KALRN: variants seen among roughly 807,000 people sequenced by gnomAD.
KALRN encodes the protein kalirin.
A neutral mutation model predicts 353.7 loss-of-function variants in KALRN; 70 were observed. That is an observed-to-expected ratio of 0.20 (90% CI 0.16 to 0.24). The LOEUF (loss-of-function observed/expected upper bound fraction) is 0.24. Ranked by LOEUF, KALRN falls within the 10% of genes least tolerant of loss-of-function variation. The pLI is 1.00. For synonymous variants in KALRN, 1,391 were observed against 1,434.8 expected (o/e 0.97, Z 0.69); for missense variants, 2,791 against 3,756.7 (o/e 0.74, Z 6.72).
chr3:124,581,289 A>G (rs2074601757), intron 34 of KALRN, among the ~76,000 whole-genome samples: 1 of 151,588 alleles, frequency 6.6e-6, no homozygotes, highest in Non-Finnish European at 1.5e-5. Flanking sequence ...GCTACTCCAG[A>G]GGCTGATGCA....
intron 3 of KALRN, among the ~76,000 whole-genome samples, chr3:124,252,970 T>C (rs1438543002): frequency 6.6e-6 from 1 of 152,268 alleles, no homozygotes; most frequent in African/African-American, 2.4e-5. Flanking sequence ...TGTAAGACAC[T>C]GTCTCATCCA....
chr3:124,378,633 T>C (rs1165778261), intron 10 of KALRN, among the ~76,000 whole-genome samples: 1 of 152,080 alleles, frequency 6.6e-6, no homozygotes, highest in African/African-American at 2.4e-5. Context: ...AGTCTTTATT[T>C]CACTTTTGTT....
At chr3:124,668,903 A>C (rs1018053344) in intron 47 of KALRN, among the ~76,000 whole-genome samples, 1 of 152,246 alleles carries the variant, frequency 6.6e-6, no homozygotes. Context: ...TTTCTGATAG[A>C]TTCTAAGCTG....
At chr3:124,182,856 C>T (rs1332192741) in intron 1 of KALRN, among the ~76,000 whole-genome samples, 1 of 152,168 alleles carries the variant, frequency 6.6e-6, no homozygotes, top group East Asian at 1.9e-4. Flanking sequence ...AAAACCGCAT[C>T]TTCACATCTG....
At chr3:124,056,977 C>A (rs2041609179) in intron 1 of KALRN, among the ~76,000 whole-genome samples, 1 of 152,206 alleles carries the variant, frequency 6.6e-6, no homozygotes, top group Non-Finnish European at 1.5e-5. Context: ...TTTGAATTTT[C>A]TCAGAAACTC....
chr3:124,585,574 C>A (rs534248941), intron 34 of KALRN, among the ~76,000 whole-genome samples: 2 of 152,218 alleles, frequency 1.3e-5, no homozygotes, highest in East Asian at 3.9e-4. Flanking sequence ...CCAATTTCCC[C>A]CAAAGCAGCC....
intron 12 of KALRN, among the ~76,000 whole-genome samples, chr3:124,395,792 A>C (rs1360373459): frequency 6.6e-6 from 1 of 152,184 alleles, no homozygotes; most frequent in African/African-American, 2.4e-5. Context: ...CTTTGGACCC[A>C]TGAAGACATA....
intron 1 of KALRN, among the ~76,000 whole-genome samples, chr3:124,156,092 A>G (rs907877334): frequency 3.3e-5 from 5 of 152,200 alleles, no homozygotes; most frequent in African/African-American, 1.2e-4. Flanking sequence ...TCCAGAGAAT[A>G]CAGCTTCCTT....
intron 33 of KALRN, among the ~76,000 whole-genome samples, chr3:124,528,368 A>G (rs1561226890): frequency 6.6e-6 from 1 of 152,200 alleles, no homozygotes; most frequent in Non-Finnish European, 1.5e-5. Context: ...AGTAGTAGGT[A>G]TGTTCAACCT....
chr3:124,086,827 A>T (rs191697660), intron 1 of KALRN, among the ~76,000 whole-genome samples: 37 of 152,322 alleles, frequency 2.4e-4, no homozygotes, highest in African/African-American at 8.7e-4. Context: ...GAACCCTCCC[A>T]GTATCTCTTT....
intron 1 of KALRN, chr3:124,152,304 A>AATTGAAGT: frequency 8.2e-7 from 1 of 1,214,570 alleles, no homozygotes; most frequent in Non-Finnish European, 1.2e-6. Context: ...TCAGCATATT[A>AATTGAAGT]ATTGAAGTCT....
chr3:124,169,887 C>G (rs2071479696), intron 1 of KALRN, among the ~76,000 whole-genome samples: 1 of 152,010 alleles, frequency 6.6e-6, no homozygotes, highest in Admixed American at 6.5e-5. Context: ...GGGTATTTTT[C>G]CACGAAGGAA....
chr3:124,227,217 G>A (rs1404235234), intron 1 of KALRN, among the ~76,000 whole-genome samples: 1 of 152,084 alleles, frequency 6.6e-6, no homozygotes, highest in African/African-American at 2.4e-5. Flanking sequence ...CCCCTAACAG[G>A]AACTCAACTA....
intron 5 of KALRN, among the ~76,000 whole-genome samples, chr3:124,274,675 A>AAT (rs990808667): frequency 2.6e-5 from 4 of 152,180 alleles, no homozygotes; most frequent in African/African-American, 9.7e-5. Context: ...CACCCAAGAC[A>AAT]ATATCCTTAT....
intron 35 of KALRN, 153 bp from the exon 36 acceptor site, chr3:124,633,699 A>T: frequency 1.6e-6 from 1 of 618,590 alleles, no homozygotes; most frequent in Non-Finnish European, 2.9e-6. Flanking sequence ...AAGCAGGTGT[A>T]TCCATGTATC....
intron 34 of KALRN, among the ~76,000 whole-genome samples, chr3:124,628,479 C>G (rs1475941420): frequency 8.9e-6 from 1 of 112,432 alleles, no homozygotes; most frequent in Non-Finnish European, 1.9e-5. Context: ...CCTTCCCTTC[C>G]TTCCCTTCCC....
At chr3:124,592,596 G>T (rs1196219366) in intron 34 of KALRN, among the ~76,000 whole-genome samples, 1 of 151,920 alleles carries the variant, frequency 6.6e-6, no homozygotes, top group Non-Finnish European at 1.5e-5. Flanking sequence ...TTCTTCTTCA[G>T]ACTGTTTTTG....
intron 1 of KALRN, among the ~76,000 whole-genome samples, chr3:124,084,094 C>T (rs1158018212): frequency 6.6e-6 from 1 of 152,178 alleles, no homozygotes; most frequent in Non-Finnish European, 1.5e-5. Flanking sequence ...GTTTAAAGAT[C>T]AATACCCAGA....
chr3:124,133,728 T>G (rs1368941570), intron 1 of KALRN, among the ~76,000 whole-genome samples: 1 of 152,200 alleles, frequency 6.6e-6, no homozygotes, highest in African/African-American at 2.4e-5. Flanking sequence ...AGTCCAGAGA[T>G]CTCATCCTGA....
Sources: allele counts gnomAD v4.1 joint callset (sites outside exome capture counted in the v4.1 genomes callset), GRCh38; gene constraint gnomAD v4.1.1; transcripts MANE v1.5; gene names NCBI Gene and HGNC (gene_info 2026-07-23, HGNC 2026-07-21).